Variants in KIF26B observed in about 807,000 individuals in gnomAD.
The protein encoded by KIF26B is kinesin family member 26B, also known as kinesin-like protein KIF26B.
KIF26B carries 63 observed loss-of-function variants against 151.2 expected under a neutral mutation model. The observed-to-expected ratio is 0.42, with a 90% CI of 0.34 to 0.51. KIF26B has a LOEUF of 0.51. Ranked by LOEUF, KIF26B falls within the 20% of genes least tolerant of loss-of-function variation. The probability of loss-of-function intolerance (pLI) is 0.07; values close to 1 mark genes in which losing one functional copy is unlikely to be tolerated. For synonymous variants in KIF26B, 1,357 were observed against 1,262.1 expected, an observed-to-expected ratio of 1.08 and a Z score of -1.59; for missense variants, 2,813 against 2,913.6, an observed-to-expected ratio of 0.97 and a Z score of 0.79.
intron 3 of KIF26B, among the ~76,000 whole-genome samples, chr1:245,368,862 T>C (rs942152714): frequency 6.6e-6 from 1 of 152,048 alleles, no homozygotes; most frequent in Non-Finnish European, 1.5e-5. Flanking sequence ...TTGCTGGGCG[T>C]GGTGGCTCAC....
intron 4 of KIF26B, among the ~76,000 whole-genome samples, chr1:245,499,982 T>C (rs1660587721): frequency 6.6e-6 from 1 of 152,266 alleles, no homozygotes; most frequent in Admixed American, 6.5e-5. Flanking sequence ...CTGCCTGTTC[T>C]CTGACTTCCA....
chr1:245,413,405 G>A (rs1217813274), intron 3 of KIF26B, among the ~76,000 whole-genome samples: 1 of 152,194 alleles, frequency 6.6e-6, no homozygotes, highest in East Asian at 1.9e-4. Flanking sequence ...GCTCACGCCT[G>A]TAATCCTAGC....
intron 10 of KIF26B, among the ~76,000 whole-genome samples, chr1:245,652,392 T>C (rs2044029126): frequency 6.6e-6 from 1 of 152,230 alleles, no homozygotes; most frequent in Non-Finnish European, 1.5e-5. Context: ...ATGGTTAGGA[T>C]GCAGAGAATG....
At chr1:245,681,426 T>A (rs549246734) in intron 10 of KIF26B, among the ~76,000 whole-genome samples, 3 of 152,094 alleles carry the variant, frequency 2.0e-5, no homozygotes, top group African/African-American at 7.2e-5. Context: ...AGCCAGGATG[T>A]TCTTGATCTC....
At chr1:245,691,256 G>A (rs746481227) in intron 12 of KIF26B, among the ~76,000 whole-genome samples, 10 of 152,238 alleles carry the variant, frequency 6.6e-5, no homozygotes, top group Non-Finnish European at 1.0e-4. Flanking sequence ...ACTGCTTGGC[G>A]AGCAGGCAGC....
At chr1:245,372,622 G>T (rs1370775521) in intron 3 of KIF26B, among the ~76,000 whole-genome samples, 1 of 152,176 alleles carries the variant, frequency 6.6e-6, no homozygotes, top group Admixed American at 6.6e-5. Flanking sequence ...TTGAAAGGAT[G>T]TGTCTAGATT....
rs551021445 is a variant in KIF26B at position 245,239,954 on chromosome 1, T to C, written c.465+83271T>C. On this transcript the variant is annotated intron_variant, in intron 2 of 14. Transcript: ENST00000407071. The surrounding 1 kb of genome is among the most constrained non-coding windows in gnomAD (Gnocchi z 4.3). The stretch of plus-strand genomic sequence containing the variant: ...CCTTTGGGAGGCCGAGGCGGGCGGA[T>C]CACTTGAGGTCAGGAGTTTGAGACC... Among the ~76,000 whole-genome samples the C allele has an allele frequency of 1.4e-3, 214 of 152,002 alleles. No individual in the cohort carries two copies. Among genetic ancestry groups the C allele is most frequent in the African/African-American group, 4.9e-3 (202 of 41,508 alleles).
chr1:245,631,091 C>T (rs571088628), intron 9 of KIF26B, among the ~76,000 whole-genome samples: 1 of 152,276 alleles, frequency 6.6e-6, no homozygotes, highest in African/African-American at 2.4e-5. Flanking sequence ...TTGACTTTCG[C>T]TTTTCCAGTT....
intron 4 of KIF26B, among the ~76,000 whole-genome samples, chr1:245,459,385 T>C (rs1659602698): frequency 6.6e-6 from 1 of 152,216 alleles, no homozygotes; most frequent in Non-Finnish European, 1.5e-5. Context: ...TAACTCCTCT[T>C]CTATCCCCAC....
At chr1:245,454,887 A>G (rs1018552274) in intron 4 of KIF26B, among the ~76,000 whole-genome samples, 13 of 152,226 alleles carry the variant, frequency 8.5e-5, no homozygotes, top group African/African-American at 1.2e-4. Flanking sequence ...AAATGCCCAG[A>G]TATCTCATAT....
chr1:245,303,388 C>G (rs922955818), intron 2 of KIF26B, among the ~76,000 whole-genome samples: 1 of 150,612 alleles, frequency 6.6e-6, no homozygotes, highest in Non-Finnish European at 1.5e-5. Flanking sequence ...TTAGTAGAGA[C>G]GGGGTTTCAC....
chr1:245,602,675 G>A lies in KIF26B; in HGVS notation c.1449G>A (p.Leu483=). The A allele has an allele frequency of 6.2e-7, 1 of 1,614,054 alleles. No individual in the cohort carries two copies. Among genetic ancestry groups the A allele is most frequent in the Non-Finnish European group, 8.5e-7 (1 of 1,179,898 alleles). The change falls in exon 6 of 15, where the codon TTG becomes TTA. Residue 483 remains leucine (L), a synonymous_variant. Transcript: ENST00000407071. This position sits in a 1 kb window ranked among gnomAD's most constrained non-coding sequence, Gnocchi z 4.5. ...ACCCACGGAAGAAGCAGATCACCTT[G>A]TACGATCCCCTGACTTGTGGAGGTC... ...KVDPRKKQIT[L]YDPLTCGGQN... is the part of the protein sequence containing the mutation.
chr1:245,602,834 G>A lies in KIF26B; in HGVS notation c.1557+51G>A, dbSNP rs768342732. On this transcript the variant is annotated intron_variant, in intron 6 of 14. Coordinates refer to ENST00000407071, the MANE Select transcript of KIF26B (RefSeq NM_018012.4). The surrounding 1 kb of genome is among the most constrained non-coding windows in gnomAD (Gnocchi z 4.5). ...CAGGCAACGTTGATGAAAGGGCAACGTTTACTCATTCACAAGGGCCCTTGA... is the reference window on the plus strand; with the variant it reads ...CAGGCAACGTTGATGAAAGGGCAACATTTACTCATTCACAAGGGCCCTTGA... 3.9e-5 allele frequency: 61 copies of A among 1,548,158 alleles called. No individual in the cohort carries two copies. The Admixed American group carries it at 4.5e-4, about 11-fold the overall frequency.
intron 2 of KIF26B, among the ~76,000 whole-genome samples, chr1:245,253,310 C>T (rs1670477557): frequency 6.6e-6 from 1 of 151,836 alleles, no homozygotes; most frequent in South Asian, 2.1e-4. Context: ...GGCCCTGCCT[C>T]TTAATATGTT....
intron 2 of KIF26B, among the ~76,000 whole-genome samples, chr1:245,260,029 GTTCA>G (rs2103569427): frequency 1.3e-5 from 2 of 151,824 alleles, no homozygotes; most frequent in African/African-American, 4.8e-5. Flanking sequence ...ACAGGATGCT[GTTCA>G]TTTATCTGAG....
intron 4 of KIF26B, among the ~76,000 whole-genome samples, chr1:245,424,273 C>A (rs1258247309): frequency 6.6e-6 from 1 of 152,168 alleles, no homozygotes; most frequent in African/African-American, 2.4e-5. Context: ...CTGCCTCAGC[C>A]TCCCGAGTAA....
intron 4 of KIF26B, among the ~76,000 whole-genome samples, chr1:245,485,596 C>A (rs1360609436): frequency 2.0e-5 from 3 of 152,184 alleles, no homozygotes; most frequent in Non-Finnish European, 4.4e-5. Flanking sequence ...GTTGGCCAGG[C>A]TGGTCTCAGA....
At chr1:245,457,140 A>G (rs939809445) in intron 4 of KIF26B, among the ~76,000 whole-genome samples, 2 of 152,164 alleles carry the variant, frequency 1.3e-5, no homozygotes, top group African/African-American at 4.8e-5. Context: ...TGCTGGGATT[A>G]CAGGCATGAG....
intron 7 of KIF26B, among the ~76,000 whole-genome samples, chr1:245,608,613 A>G (rs201460270): frequency 6.6e-6 from 1 of 152,202 alleles, no homozygotes; most frequent in South Asian, 2.1e-4. Context: ...GGGGGTAACT[A>G]TAAAAAGAAC....
Sources: allele counts gnomAD v4.1 joint callset (sites outside exome capture counted in the v4.1 genomes callset), GRCh38; gene constraint gnomAD v4.1.1; non-coding constraint Gnocchi (gnomAD v3.1); transcripts MANE v1.5; gene names NCBI Gene and HGNC (gene_info 2026-07-23, HGNC 2026-07-21).